Variants in ZNF883 observed in about 807,000 individuals in gnomAD.
ZNF883 encodes zinc finger protein 883.
exon 1 of ZNF883, chr9:112,998,233 G>C: frequency 5.0e-6 from 8 of 1,598,758 alleles, no homozygotes; most frequent in Non-Finnish European, 6.8e-6. Flanking sequence ...ATGGGTTCGC[G>C]GTCATATAAA....
At chr9:112,990,960 C>A (rs71503549) in intron 1 of ZNF883, among the ~76,000 whole-genome samples, 11,940 of 152,036 alleles carry the variant, frequency 0.079, 600 homozygotes, top group Non-Finnish European at 0.11. Flanking sequence ...GGTGATATCC[C>A]CTTTACCATT....
chr9:113,009,945 T>G (rs1252954075), intron 2 of ZNF883, among the ~76,000 whole-genome samples: 1 of 152,246 alleles, frequency 6.6e-6, no homozygotes, highest in Non-Finnish European at 1.5e-5. Context: ...TGAATGATGT[T>G]CAGTAGGTTA....
At chr9:112,991,853 T>G (rs1828306743) in intron 1 of ZNF883, among the ~76,000 whole-genome samples, 1 of 152,232 alleles carries the variant, frequency 6.6e-6, no homozygotes, top group Admixed American at 6.5e-5. Context: ...TTTGTGTTTT[T>G]TGATCTTTGT....
At chr9:112,993,776 C>T (rs1202249066), downstream of ZNF883, among the ~76,000 whole-genome samples, 1 of 152,200 alleles carries the variant, frequency 6.6e-6, no homozygotes, top group Admixed American at 6.5e-5. Flanking sequence ...GCAGGGAGGC[C>T]CCACCCAGTG....
At chr9:113,001,966 A>G (rs1220062255), upstream of ZNF883, 1 of 152,146 alleles carries the variant, frequency 6.6e-6, no homozygotes, top group Non-Finnish European at 1.5e-5. Flanking sequence ...GATCCTACAT[A>G]TTTTGGCATT....
intron 2 of ZNF883, among the ~76,000 whole-genome samples, chr9:113,010,793 A>C (rs943770131): frequency 3.9e-5 from 6 of 151,982 alleles, no homozygotes; most frequent in African/African-American, 1.4e-4. Context: ...TGAGACCAGG[A>C]TGCCCAACAT....
downstream of ZNF883, among the ~76,000 whole-genome samples, chr9:112,996,790 C>CAAAAAAAAA (rs61714600): frequency 3.8e-5 from 2 of 52,108 alleles, no homozygotes; most frequent in Non-Finnish European, 3.6e-5. Context: ...GACTCCGTCT[C>CAAAAAAAAA]AAAAAAAAAA....
intron 2 of ZNF883, among the ~76,000 whole-genome samples, chr9:113,009,158 T>C (rs546418462): frequency 6.6e-6 from 1 of 152,268 alleles, no homozygotes; most frequent in African/African-American, 2.4e-5. Flanking sequence ...GTCACTTCTC[T>C]ATTCAAAACC....
intron 2 of ZNF883, among the ~76,000 whole-genome samples, chr9:113,004,697 A>C (rs1828458589): frequency 1.3e-5 from 2 of 151,804 alleles, no homozygotes; most frequent in Admixed American, 6.6e-5. Context: ...TTGTTGTTTA[A>C]GCCACCCAGT....
At chr9:113,008,462 C>A (rs568118647) in intron 2 of ZNF883, among the ~76,000 whole-genome samples, 2 of 152,104 alleles carry the variant, frequency 1.3e-5, no homozygotes, top group Non-Finnish European at 2.9e-5. Context: ...TAGTTTTGAT[C>A]CAATGGAATT....
chr9:113,004,887 G>A (rs939322535), intron 2 of ZNF883, among the ~76,000 whole-genome samples: 1 of 151,354 alleles, frequency 6.6e-6, no homozygotes, highest in Non-Finnish European at 1.5e-5. Context: ...TAATAAAACT[G>A]AGTCTAGAAA....
Position 112,998,194 on chromosome 9 carries a change from G to T in ZNF883, n.66C>A, listed in dbSNP as rs780691368. 2.5e-6 allele frequency: 4 copies of T among 1,613,622 alleles called. No individual in the cohort carries two copies. In the South Asian group the frequency reaches 4.4e-5, roughly 18 times the overall value. ...GCTGGGTCAGGGATGCAAGACAAGT[G>T]TAGCCTTTCCCACATTCAGTACAGA... is the stretch of plus-strand genomic sequence containing the variant. On this transcript the variant is annotated non_coding_transcript_exon_variant, in exon 1 of 1. Transcript: ENST00000639662.
In ZNF883 at chr9:112,997,422, GGT is replaced by G. The variant is rs779596452; in HGVS notation, n.836_837del. 5 of 1,614,012 alleles carry G rather than the reference GGT, an allele frequency of 3.1e-6. No individual in the cohort carries two copies. The East Asian group carries it at 6.7e-5, about 22-fold the overall frequency. ...GAATGAATTTTTAGATGTTCAGTAA[GGT>G]GTGTACTTCGACTGAAGGTTTTTCC... On this transcript the variant is annotated non_coding_transcript_exon_variant, in exon 1 of 1. Coordinates refer to ENST00000639662, the Ensembl canonical transcript of ZNF883.
chr9:112,994,016 C>T (rs761207331), downstream of ZNF883, among the ~76,000 whole-genome samples: 10 of 152,032 alleles, frequency 6.6e-5, no homozygotes, highest in African/African-American at 1.2e-4. Context: ...CAGTCCTTCC[C>T]GCAGGAACTC....
intron 1 of ZNF883, among the ~76,000 whole-genome samples, chr9:112,988,607 A>G (rs987046610): frequency 4.6e-5 from 7 of 152,360 alleles, no homozygotes; most frequent in African/African-American, 7.2e-5. Context: ...ATAGTGCTGC[A>G]ATAAACATAC....
At position 113,011,960 on chromosome 9, in the gene ZNF883, C is replaced by T. The variant is rs538707101; in HGVS notation, n.78+190G>A. 4.6e-5 allele frequency among the ~76,000 whole-genome samples: 7 copies of T among 152,260 alleles called. No homozygotes were observed. In the South Asian group the frequency reaches 1.5e-3, roughly 32 times the overall value. The stretch of plus-strand genomic sequence containing the variant: ...CTCACCCTGAAGCGGGATGCTGGCC[C>T]AGGTCACCACCACCCCTCCACTGCA... On this transcript the variant is annotated intron_variant and non_coding_transcript_variant, in intron 1 of 4. Transcript: ENST00000638622.
chr9:112,993,113 G>A (rs1303650880), downstream of ZNF883, among the ~76,000 whole-genome samples: 1 of 152,182 alleles, frequency 6.6e-6, no homozygotes, highest in Non-Finnish European at 1.5e-5. Context: ...TGTCCTTCCT[G>A]GAGAGGTGTT....
chr9:113,000,125 G>C (rs1390402057), upstream of ZNF883, among the ~76,000 whole-genome samples: 1 of 152,206 alleles, frequency 6.6e-6, no homozygotes, highest in African/African-American at 2.4e-5. Flanking sequence ...GACCAGATAT[G>C]TTTTGTATGA....
chr9:112,992,617 G>A (rs554997054), downstream of ZNF883, among the ~76,000 whole-genome samples: 9 of 152,266 alleles, frequency 5.9e-5, no homozygotes, highest in South Asian at 4.1e-4. Flanking sequence ...GAATAAGAAC[G>A]TTGGCTTGTC....
Sources: gnomAD v4.1 joint callset for allele counts (sites outside exome capture counted in the v4.1 genomes callset) on GRCh38, gnomAD v4.1.1 for gene constraint, MANE v1.5 for transcripts, NCBI Gene and HGNC (gene_info 2026-07-23, HGNC 2026-07-21) for gene names.